The following ZFPM2 variants were observed in gnomAD, a reference collection of about 807,000 sequenced individuals.
ZFPM2 encodes the protein zinc finger protein, FOG family member 2.
A neutral mutation model predicts 98.6 loss-of-function variants in ZFPM2; 20 were observed. The observed-to-expected ratio is 0.20, with a 90% confidence interval of 0.14 to 0.29. The LOEUF is 0.29. Among genes scored for constraint, ZFPM2 ranks in the 10% least tolerant of loss-of-function variants. The pLI is 1.00. For synonymous variants in ZFPM2, 518 were observed against 502.7 expected (o/e 1.03, Z -0.41); for missense variants, 1,310 against 1,388.6 (o/e 0.94, Z 0.90).
At chr8:105,700,761 A>G (rs1476983756) in intron 5 of ZFPM2, among the ~76,000 whole-genome samples, 23 of 151,956 alleles carry the variant, frequency 1.5e-4, no homozygotes, top group Non-Finnish European at 1.6e-4. Flanking sequence ...ACGCCTGGCT[A>G]ATTTTTGTAT....
chr8:105,560,168 T>G (rs935346532), intron 3 of ZFPM2, among the ~76,000 whole-genome samples: 2 of 90,858 alleles, frequency 2.2e-5, no homozygotes, highest in African/African-American at 1.2e-4. Context: ...AAACTCTGTC[T>G]CAAAAAAAAA....
At chr8:105,615,837 C>T (rs530508277) in intron 4 of ZFPM2, among the ~76,000 whole-genome samples, 48 of 152,102 alleles carry the variant, frequency 3.2e-4, no homozygotes, top group African/African-American at 1.1e-3. Flanking sequence ...AGAACCAAAC[C>T]TAAGTTTAGT....
At chr8:105,796,436 G>A (rs1366930079) in intron 6 of ZFPM2, among the ~76,000 whole-genome samples, 1 of 152,210 alleles carries the variant, frequency 6.6e-6, no homozygotes, top group Non-Finnish European at 1.5e-5. Flanking sequence ...TTACTAAACT[G>A]TGTAGCCTCA....
intron 5 of ZFPM2, among the ~76,000 whole-genome samples, chr8:105,666,934 T>C (rs1420378547): frequency 1.3e-5 from 2 of 152,146 alleles, no homozygotes; most frequent in South Asian, 2.1e-4. Flanking sequence ...AAATTAGAAA[T>C]AACTACAAAG....
chr8:105,803,596 C>T lies in ZFPM2; in HGVS notation c.*58C>T. 6.7e-7 allele frequency: 1 copy of T among 1,500,244 alleles called. No individual in the cohort carries two copies. Among genetic ancestry groups the T allele is most frequent in the Non-Finnish European group, 9.0e-7 (1 of 1,106,758 alleles). 92.9% of individuals were successfully genotyped at this position (1,500,244 alleles called of 1,614,324 possible). On this transcript the variant is annotated 3_prime_UTR_variant, in exon 8 of 8. Coordinates refer to ENST00000407775, the MANE Select transcript of ZFPM2 (RefSeq NM_012082.4). ...TGTTTAGTATGTTGTTCTAACCAGT[C>T]CAGAAAAAAAAATAAGCTGTTTGAA...
At chr8:105,330,198 G>A (rs1261423587) in intron 1 of ZFPM2, among the ~76,000 whole-genome samples, 1 of 151,536 alleles carries the variant, frequency 6.6e-6, no homozygotes, top group Non-Finnish European at 1.5e-5. Context: ...ATTTAGGACA[G>A]TTTGATACTC....
At chr8:105,769,148 T>C (rs1270921910) in intron 5 of ZFPM2, among the ~76,000 whole-genome samples, 2 of 152,026 alleles carry the variant, frequency 1.3e-5, no homozygotes, top group East Asian at 3.9e-4. Flanking sequence ...ATTTTCATAC[T>C]TTTGTTTACT....
intron 3 of ZFPM2, among the ~76,000 whole-genome samples, chr8:105,502,634 T>C (rs1478713840): frequency 1.3e-5 from 2 of 152,162 alleles, no homozygotes; most frequent in Non-Finnish European, 2.9e-5. Context: ...GCAACCAACA[T>C]GGTTTTGTGA....
intron 5 of ZFPM2, among the ~76,000 whole-genome samples, chr8:105,736,627 A>G (rs140165658): frequency 1.7e-3 from 261 of 152,154 alleles, no homozygotes; most frequent in Non-Finnish European, 2.8e-3. Context: ...GAGACCCTAG[A>G]AGCAGAGTAA....
intron 3 of ZFPM2, among the ~76,000 whole-genome samples, chr8:105,519,133 T>C (rs898387202): frequency 6.6e-6 from 1 of 152,134 alleles, no homozygotes; most frequent in African/African-American, 2.4e-5. Flanking sequence ...ATGTGAAAAA[T>C]ACTGAGGTTA....
intron 3 of ZFPM2, among the ~76,000 whole-genome samples, chr8:105,553,815 TTA>T (rs889583422): frequency 6.6e-6 from 1 of 152,222 alleles, no homozygotes; most frequent in Admixed American, 6.5e-5. Flanking sequence ...CATTTTTTCT[TTA>T]TTCCCTTTTT....
At position 105,443,314 on chromosome 8, in the gene ZFPM2, AAAAACAAAAAAC is replaced by A. The variant is rs1232523917; in HGVS notation, c.200-961_200-950del. ...ACAGAGCGAGTAAGACTCCTTCTCAAAAAACAAAAAACAAAAAAAAAAAAACTTGGCATTATT... is the reference window on the plus strand; with the variant it reads ...ACAGAGCGAGTAAGACTCCTTCTCAAAAAAAAAAAAAAACTTGGCATTATT... On this transcript the variant is annotated intron_variant, in intron 2 of 7. Coordinates refer to ENST00000407775, the MANE Select transcript of ZFPM2 (RefSeq NM_012082.4). 3.4e-5 allele frequency among the ~76,000 whole-genome samples: 5 copies of A among 148,234 alleles called. 1 individual carries two copies. Among genetic ancestry groups the A allele is most frequent in the South Asian group, 2.1e-4 (1 of 4,656 alleles).
intron 4 of ZFPM2, among the ~76,000 whole-genome samples, chr8:105,588,816 T>A (rs191441402): frequency 6.6e-6 from 1 of 152,306 alleles, no homozygotes; most frequent in East Asian, 1.9e-4. Flanking sequence ...TTTTACTAAA[T>A]TCTTAGAGTA....
intron 1 of ZFPM2, 71 bp downstream of exon 1, chr8:105,319,052 CGGTG>C: frequency 6.9e-7 from 1 of 1,439,918 alleles, no homozygotes; most frequent in Non-Finnish European, 9.3e-7. Flanking sequence ...GACGGGAAAG[CGGTG>C]GGTGGGTGGC....
At chr8:105,526,331 T>C (rs1368772365) in intron 3 of ZFPM2, among the ~76,000 whole-genome samples, 1 of 152,092 alleles carries the variant, frequency 6.6e-6, no homozygotes, top group African/African-American at 2.4e-5. Flanking sequence ...CAAGAAAGTA[T>C]GAGGAGGTAA....
intron 3 of ZFPM2, among the ~76,000 whole-genome samples, chr8:105,534,463 C>T (rs1391520620): frequency 6.7e-6 from 1 of 150,364 alleles, no homozygotes; most frequent in Non-Finnish European, 1.5e-5. Flanking sequence ...TCCTTCCTTC[C>T]TCCCTTCCTT....
chr8:105,456,326 G>A (rs552920990), intron 3 of ZFPM2, among the ~76,000 whole-genome samples: 1 of 151,972 alleles, frequency 6.6e-6, no homozygotes, highest in African/African-American at 2.4e-5. Flanking sequence ...CCAGACTGTG[G>A]TAGGTTCAAA....
At chr8:105,611,887 G>C (rs1037858704) in intron 4 of ZFPM2, among the ~76,000 whole-genome samples, 3 of 151,710 alleles carry the variant, frequency 2.0e-5, no homozygotes, top group Admixed American at 6.6e-5. Context: ...TTTTAGAGAT[G>C]GGGTTTTACC....
rs1486263283 is a variant in ZFPM2, at chr8:105,794,218, G to GTCTT, written c.740-4504_740-4501dup. The stretch of plus-strand genomic sequence containing the variant: ...ATCTTTGTGGTTTTATCTACTTTTG[G>GTCTT]TCTTTGATGATGGTGATGTACAGAT... On this transcript the variant is annotated intron_variant, in intron 6 of 7. Transcript: ENST00000407775. Among the ~76,000 whole-genome samples the GTCTT allele has an allele frequency of 6.7e-4, 102 of 151,998 alleles. 1 individual carries two copies. The South Asian group carries it at 0.02, about 29-fold the overall frequency.
Sources: allele counts gnomAD v4.1 joint callset (sites outside exome capture counted in the v4.1 genomes callset), GRCh38; gene constraint gnomAD v4.1.1; transcripts MANE v1.5; gene names NCBI Gene and HGNC (gene_info 2026-07-23, HGNC 2026-07-21).